The following GKAP1 variants were observed in gnomAD, a reference collection of about 807,000 sequenced individuals.
GKAP1 encodes G kinase anchoring protein 1.
GKAP1 carries 31 observed loss-of-function variants against 56.7 expected under a neutral mutation model. That is an observed-to-expected ratio of 0.55 (90% confidence interval 0.41 to 0.74). GKAP1 has a LOEUF of 0.74. GKAP1 is among the 30% of genes least tolerant of loss of function. The pLI is 0.00. For synonymous variants in GKAP1, 151 were observed against 138.6 expected (o/e 1.09, Z -0.63); for missense variants, 364 against 402.3 (o/e 0.90, Z 0.82).
intron 8 of GKAP1, among the ~76,000 whole-genome samples, chr9:83,757,029 A>T (rs1402090131): frequency 6.6e-6 from 1 of 152,232 alleles, no homozygotes. Flanking sequence ...CTATGCTGAC[A>T]AGGGCTCTGT....
At chr9:83,793,419 C>G (rs1202243373) in intron 4 of GKAP1, among the ~76,000 whole-genome samples, 1 of 152,184 alleles carries the variant, frequency 6.6e-6, no homozygotes, top group Non-Finnish European at 1.5e-5. Flanking sequence ...TCCCAGAAAT[C>G]TTACAGTAGT....
chr9:83,804,879 G>T (rs1173721401), intron 3 of GKAP1, among the ~76,000 whole-genome samples: 1 of 149,522 alleles, frequency 6.7e-6, no homozygotes, highest in Non-Finnish European at 1.5e-5. Flanking sequence ...CAGCCGCCCC[G>T]TCCGGGAGGT....
At chr9:83,813,017 C>T (rs1164029629) in intron 2 of GKAP1, among the ~76,000 whole-genome samples, 1 of 151,978 alleles carries the variant, frequency 6.6e-6, no homozygotes, top group African/African-American at 2.4e-5. Flanking sequence ...AATAGGGAGA[C>T]TAGGAAAACA....
intron 9 of GKAP1, chr9:83,749,124 G>T (rs1943343284): frequency 6.6e-6 from 1 of 151,838 alleles, no homozygotes; most frequent in Admixed American, 6.6e-5. Context: ...TGAACAAAAA[G>T]GATTGTGTTC....
chr9:83,782,625 T>C (rs1443107425), intron 6 of GKAP1, among the ~76,000 whole-genome samples: 1 of 149,036 alleles, frequency 6.7e-6, no homozygotes, highest in African/African-American at 2.5e-5. Context: ...CCCAAAGTGC[T>C]GGAATTGCAG....
intron 5 of GKAP1, 65 bp from the exon 6 acceptor site, chr9:83,784,903 G>A: frequency 8.5e-7 from 1 of 1,178,526 alleles, no homozygotes; most frequent in South Asian, 2.0e-5. Flanking sequence ...TCACCAACAG[G>A]TAATATGTTT....
chr9:83,787,013 T>C (rs1482833882), intron 5 of GKAP1, among the ~76,000 whole-genome samples: 1 of 152,216 alleles, frequency 6.6e-6, no homozygotes, highest in African/African-American at 2.4e-5. Flanking sequence ...TGACAGTCCA[T>C]TTAAATGATT....
At chr9:83,788,715 C>A in intron 4 of GKAP1, 37 bp from the exon 5 acceptor site, 2 of 1,239,326 alleles carry the variant, frequency 1.6e-6, no homozygotes, top group South Asian at 2.5e-5. Context: ...CAGACAGTAT[C>A]ATTACATCAC....
intron 2 of GKAP1, 74 bp downstream of exon 2, chr9:83,816,922 G>GA (rs200247613): frequency 0.025 from 3,728 of 151,228 alleles, 148 homozygotes; most frequent in African/African-American, 0.084. Context: ...AACAATAACA[G>GA]AAAAAAAAAT....
chr9:83,745,628 T>C (rs775943096), intron 10 of GKAP1, among the ~76,000 whole-genome samples: 9 of 152,202 alleles, frequency 5.9e-5, no homozygotes, highest in Non-Finnish European at 1.3e-4. Flanking sequence ...CAATACGCAA[T>C]GATACTCTTC....
rs377400261 is a variant in GKAP1 at position 83,799,254 on chromosome 9, T to C, written c.291A>G (p.Pro97=). ...HAVCNAQHDL[P]LSNPVQKDSR... ...AATCCTTCTGTACTGGGTTTGACAA[T>C]GGAAGATCATGTTGAGCGTTACAAA... Residue 97 remains proline (P), a synonymous_variant, in exon 4 of 13, where the codon CCA becomes CCG. Coordinates refer to ENST00000376371, the MANE Select transcript of GKAP1 (RefSeq NM_025211.4). 14 of 1,609,734 alleles carry C rather than the reference T, an allele frequency of 8.7e-6. No homozygotes were observed. The Middle Eastern group carries it at 5.0e-4, about 57-fold the overall frequency.
chr9:83,795,030 C>A (rs1258224306), intron 4 of GKAP1, among the ~76,000 whole-genome samples: 1 of 151,992 alleles, frequency 6.6e-6, no homozygotes, highest in Non-Finnish European at 1.5e-5. Context: ...GTGGCACATG[C>A]CTGTAATCCC....
intron 4 of GKAP1, among the ~76,000 whole-genome samples, chr9:83,792,317 C>T (rs1367622234): frequency 1.3e-5 from 2 of 152,040 alleles, no homozygotes; most frequent in Non-Finnish European, 2.9e-5. Flanking sequence ...CATAAGGTTC[C>T]AGACACTTCC....
At chr9:83,761,235 A>C (rs1587700675) in intron 8 of GKAP1, among the ~76,000 whole-genome samples, 1 of 152,040 alleles carries the variant, frequency 6.6e-6, no homozygotes, top group Non-Finnish European at 1.5e-5. Context: ...ACAGATAAAA[A>C]AAGAGACATT....
At chr9:83,802,483 G>GAAA (rs201998640) in intron 3 of GKAP1, among the ~76,000 whole-genome samples, 16 of 57,182 alleles carry the variant, frequency 2.8e-4, no homozygotes, top group Admixed American at 6.3e-4. Context: ...CTCCATCTCA[G>GAAA]AAAAAAAAAA....
At chr9:83,804,508 C>T (rs1944398231) in intron 3 of GKAP1, among the ~76,000 whole-genome samples, 1 of 79,934 alleles carries the variant, frequency 1.3e-5, no homozygotes, top group Admixed American at 1.0e-4. Context: ...CCAGCCGCCC[C>T]GTCCGGGAGG....
intron 2 of GKAP1, among the ~76,000 whole-genome samples, chr9:83,811,546 A>T (rs898322324): frequency 6.6e-6 from 1 of 152,202 alleles, no homozygotes; most frequent in African/African-American, 2.4e-5. Context: ...AGAACCAATG[A>T]CAAACACTCA....
intron 9 of GKAP1, chr9:83,748,574 T>C (rs965154645): frequency 3.8e-5 from 12 of 312,200 alleles, no homozygotes; most frequent in Non-Finnish European, 6.4e-5. Flanking sequence ...ATCAATATTA[T>C]ACGTGATTGA....
At chr9:83,769,830 C>T (rs915046652) in intron 7 of GKAP1, among the ~76,000 whole-genome samples, 1 of 152,196 alleles carries the variant, frequency 6.6e-6, no homozygotes, top group Non-Finnish European at 1.5e-5. Context: ...ATCCCATCAG[C>T]AGTCAAGTGG....
Sources: allele counts gnomAD v4.1 joint callset (sites outside exome capture counted in the v4.1 genomes callset), GRCh38; gene constraint gnomAD v4.1.1; transcripts MANE v1.5; gene names NCBI Gene and HGNC (gene_info 2026-07-23, HGNC 2026-07-21).